Variants in RNLS observed in about 807,000 individuals in gnomAD.
The protein encoded by RNLS is renalase, FAD dependent amine oxidase.
In RNLS, 39 loss-of-function variants were observed where a neutral mutation model predicts 39.8. The ratio of observed to expected loss-of-function variants is 0.98; its 90% CI spans 0.76 to 1.28. The LOEUF (loss-of-function observed/expected upper bound fraction) is 1.28. Ranked by LOEUF, RNLS falls within the 50% of genes most tolerant of loss-of-function variation. The pLI is 0.00. For missense variants in RNLS, 410 were observed against 413.3 expected (o/e 0.99, Z 0.07); for synonymous variants, 147 against 150.7 (o/e 0.98, Z 0.18).
rs545480465 is a variant in RNLS, at chr10:88,375,626, T to C, written c.527-12901A>G. ...TTCATAAACTGAGAGCTGCCTGCAATGAGAACTGATTTACACTCTGGTTTC... is the reference window on the plus strand; with the variant it reads ...TTCATAAACTGAGAGCTGCCTGCAACGAGAACTGATTTACACTCTGGTTTC... On this transcript the variant is annotated intron_variant, in intron 4 of 6. Transcript: ENST00000331772. Among the ~76,000 whole-genome samples, 3 of 152,288 alleles carry C rather than the reference T, an allele frequency of 2.0e-5. No individual in the cohort carries two copies. In the East Asian group the frequency reaches 5.8e-4, roughly 29 times the overall value.
At chr10:88,300,189 G>C (rs1031093616) in intron 6 of RNLS, among the ~76,000 whole-genome samples, 6 of 152,194 alleles carry the variant, frequency 3.9e-5, no homozygotes, top group African/African-American at 1.2e-4. Flanking sequence ...TCTATGTGAT[G>C]AGGAAGGGAT....
the RNLS span, among the ~76,000 whole-genome samples, chr10:88,240,114 A>G: frequency 2.0e-5 from 3 of 152,234 alleles, no homozygotes; most frequent in African/African-American, 7.2e-5. Context: ...AAGTTAAAAT[A>G]CTTTTATCAA....
intron 5 of RNLS, chr10:88,343,635 A>G (rs1420532445): frequency 1.0e-6 from 1 of 985,274 alleles, no homozygotes; most frequent in African/African-American, 1.7e-5. Flanking sequence ...TTCCTTTAAA[A>G]ATTCCATAGA....
At chr10:88,465,033 A>G (rs916253441) in intron 4 of RNLS, among the ~76,000 whole-genome samples, 1 of 152,138 alleles carries the variant, frequency 6.6e-6, no homozygotes, top group African/African-American at 2.4e-5. Context: ...TAAAATATGA[A>G]TAATGGCAGT....
the RNLS span, among the ~76,000 whole-genome samples, chr10:88,177,728 G>C: frequency 2.0e-5 from 3 of 152,194 alleles, no homozygotes; most frequent in African/African-American, 7.2e-5. Context: ...CTATAGAGTT[G>C]CTTTCGCAGG....
intron 4 of RNLS, among the ~76,000 whole-genome samples, chr10:88,567,521 T>A (rs1849577356): frequency 6.6e-6 from 1 of 152,208 alleles, no homozygotes; most frequent in Non-Finnish European, 1.5e-5. Flanking sequence ...AATGTTATAG[T>A]ATGTTATTAA....
Position 88,581,545 on chromosome 10 carries a change from G to A in RNLS, c.367+22C>T, listed in dbSNP as rs1241905397. On this transcript the variant is annotated intron_variant, in intron 3 of 6. Coordinates refer to ENST00000331772, the MANE Select transcript of RNLS (RefSeq NM_001031709.3). Reference sequence around the variant, plus strand: ...TTTAAATGCTAATTTTAAAATTTAGGCAGAGAAAATCTTACTCCCACCTGA... The same window carrying A: ...TTTAAATGCTAATTTTAAAATTTAGACAGAGAAAATCTTACTCCCACCTGA... 3.2e-6 allele frequency: 5 copies of A among 1,570,188 alleles called. No homozygotes were observed. In the African/African-American group the frequency reaches 4.2e-5, roughly 13 times the overall value.
chr10:88,486,886 A>T (rs1308477911), intron 4 of RNLS, among the ~76,000 whole-genome samples: 1 of 152,216 alleles, frequency 6.6e-6, no homozygotes, highest in Non-Finnish European at 1.5e-5. Context: ...AATATAAATC[A>T]TTCTACCATA....
exon 7 of RNLS, chr10:88,274,840 C>G: frequency 1.4e-6 from 1 of 711,274 alleles, no homozygotes; most frequent in Non-Finnish European, 2.4e-6. Context: ...ATCTCCACAT[C>G]CTTGCCAACA....
chr10:88,560,813 T>A (rs1173406873), intron 4 of RNLS, among the ~76,000 whole-genome samples: 1 of 152,010 alleles, frequency 6.6e-6, no homozygotes, highest in East Asian at 1.9e-4. Flanking sequence ...ACCACACATA[T>A]GGTCTACATA....
chr10:88,403,543 C>A (rs1589734656), intron 4 of RNLS, among the ~76,000 whole-genome samples: 1 of 151,972 alleles, frequency 6.6e-6, no homozygotes, highest in South Asian at 2.1e-4. Flanking sequence ...ATAGATAAAA[C>A]AAGGTTGACT....
chr10:88,522,842 C>G (rs1424195950), intron 4 of RNLS, among the ~76,000 whole-genome samples: 2 of 152,128 alleles, frequency 1.3e-5, no homozygotes, highest in African/African-American at 4.8e-5. Flanking sequence ...ATGTGGCCAG[C>G]AGCTGTTCTG....
intron 4 of RNLS, among the ~76,000 whole-genome samples, chr10:88,450,484 G>A (rs985954745): frequency 6.6e-6 from 1 of 152,130 alleles, no homozygotes; most frequent in African/African-American, 2.4e-5. Context: ...GAGGTTTTCT[G>A]TTTCCTTTAT....
At chr10:88,459,283 C>T (rs908050937) in intron 4 of RNLS, among the ~76,000 whole-genome samples, 9 of 151,918 alleles carry the variant, frequency 5.9e-5, no homozygotes, top group Admixed American at 5.3e-4. Context: ...CTCGACTTTA[C>T]AAGAGGCATG....
chr10:88,340,733 G>A (rs1461356210), intron 5 of RNLS, among the ~76,000 whole-genome samples: 2 of 152,076 alleles, frequency 1.3e-5, no homozygotes, highest in East Asian at 3.9e-4. Context: ...TTATTATTAT[G>A]CAGGAATATA....
At chr10:88,401,908 A>T (rs556652941) in intron 4 of RNLS, among the ~76,000 whole-genome samples, 2 of 152,016 alleles carry the variant, frequency 1.3e-5, no homozygotes, top group Non-Finnish European at 2.9e-5. Context: ...TGCTAGATCA[A>T]TCTGGGCCAG....
intron 4 of RNLS, among the ~76,000 whole-genome samples, chr10:88,422,468 T>C (rs1400323709): frequency 6.6e-6 from 1 of 152,218 alleles, no homozygotes; most frequent in Non-Finnish European, 1.5e-5. Flanking sequence ...CCTGGATTTA[T>C]TTCCTTTAAT....
At chr10:88,541,649 C>T (rs533818163) in intron 4 of RNLS, among the ~76,000 whole-genome samples, 14 of 152,216 alleles carry the variant, frequency 9.2e-5, no homozygotes, top group African/African-American at 1.7e-4. Context: ...AGAAAATAAT[C>T]GTAACTTCTT....
chr10:88,211,548 G>A, the RNLS span, among the ~76,000 whole-genome samples: 1 of 152,318 alleles, frequency 6.6e-6, no homozygotes, highest in Non-Finnish European at 1.5e-5. Context: ...TATTTAGGCT[G>A]AAATCTAGTT....
Sources: allele counts gnomAD v4.1 joint callset (sites outside exome capture counted in the v4.1 genomes callset), GRCh38; gene constraint gnomAD v4.1.1; transcripts MANE v1.5; gene names NCBI Gene and HGNC (gene_info 2026-07-23, HGNC 2026-07-21).